CDK14: variants seen among roughly 807,000 people sequenced by gnomAD.
CDK14 encodes the protein cyclin dependent kinase 14.
CDK14 carries 34 observed loss-of-function variants against 60.7 expected under a neutral mutation model. That is an observed-to-expected ratio of 0.56 (90% CI 0.43 to 0.75). The LOEUF (loss-of-function observed/expected upper bound fraction) is 0.75, where lower values mean the gene tolerates loss of function less well. Ranked by LOEUF, CDK14 falls within the 30% of genes least tolerant of loss-of-function variation. CDK14 has a pLI of 0.00. For missense variants in CDK14, 482 were observed against 564.1 expected, an observed-to-expected ratio of 0.85 and a Z score of 1.47; for synonymous variants, 197 against 203.7, an observed-to-expected ratio of 0.97 and a Z score of 0.28.
intron 2 of CDK14, among the ~76,000 whole-genome samples, chr7:90,684,168 C>T (rs1563043787): frequency 6.6e-6 from 1 of 152,124 alleles, no homozygotes; most frequent in Non-Finnish European, 1.5e-5. Flanking sequence ...TGTAGCACTA[C>T]AAAATCAAAC....
intron 1 of CDK14, among the ~76,000 whole-genome samples, chr7:90,600,794 A>T (rs1799299261): frequency 6.6e-6 from 1 of 152,272 alleles, no homozygotes; most frequent in Non-Finnish European, 1.5e-5. Flanking sequence ...GAACCAGTGT[A>T]GCATTTTCAT....
At chr7:91,009,157 A>G (rs1432309264) in intron 10 of CDK14, among the ~76,000 whole-genome samples, 3 of 152,108 alleles carry the variant, frequency 2.0e-5, no homozygotes, top group Non-Finnish European at 4.4e-5. Context: ...TAGTGAGCAT[A>G]ACTATTTTGA....
At chr7:90,668,133 C>T (rs1801023284) in intron 2 of CDK14, among the ~76,000 whole-genome samples, 1 of 152,160 alleles carries the variant, frequency 6.6e-6, no homozygotes, top group South Asian at 2.1e-4. Context: ...TGTTATATTT[C>T]TACCAGCAAC....
chr7:90,828,291 T>C (rs931912239), intron 5 of CDK14, among the ~76,000 whole-genome samples: 1 of 152,362 alleles, frequency 6.6e-6, no homozygotes, highest in Non-Finnish European at 1.5e-5. Context: ...GTCTGCCATG[T>C]GGACCCAGCA....
At chr7:90,621,687 G>GCCTTCCTGCCTTCCTTCCTTCCTT (rs1563018827) in intron 2 of CDK14, among the ~76,000 whole-genome samples, 1 of 132,410 alleles carries the variant, frequency 7.6e-6, no homozygotes, top group Non-Finnish European at 1.7e-5. Context: ...CTGCCTTCCT[G>GCCTTCCTGCCTTCCTTCCTTCCTT]CCTTCCTTCC....
chr7:90,918,926 T>C (rs1793163418), intron 8 of CDK14, among the ~76,000 whole-genome samples: 1 of 152,228 alleles, frequency 6.6e-6, no homozygotes, highest in African/African-American at 2.4e-5. Flanking sequence ...TAAAACTTTG[T>C]CATTTCCTAC....
At chr7:90,747,901 T>TTC in intron 4 of CDK14, 126 bp downstream of exon 4, 1 of 214,152 alleles carries the variant, frequency 4.7e-6, no homozygotes, top group Non-Finnish European at 8.6e-6. Flanking sequence ...CGGTATCCTT[T>TTC]TTTTTTTTTT....
chr7:90,971,653 T>TAAAAAAAAAAAAAAAAAAA (rs35135401), intron 9 of CDK14, among the ~76,000 whole-genome samples: 3 of 119,540 alleles, frequency 2.5e-5, no homozygotes, highest in Non-Finnish European at 1.7e-5. Flanking sequence ...ATATACATAG[T>TAAAAAAAAAAAAAAAAAAA]AAAAAAAAAA....
chr7:91,106,516 TAAC>T (rs1195767789), intron 12 of CDK14, among the ~76,000 whole-genome samples: 1 of 152,054 alleles, frequency 6.6e-6, no homozygotes, highest in Non-Finnish European at 1.5e-5. Context: ...AATAAAATAA[TAAC>T]AGTAACAGTA....
chr7:91,142,150 A>G (rs1800485240), intron 14 of CDK14, among the ~76,000 whole-genome samples: 1 of 152,146 alleles, frequency 6.6e-6, no homozygotes, highest in Non-Finnish European at 1.5e-5. Flanking sequence ...TATTTAAGAT[A>G]ATAGTCAACT....
At chr7:90,693,761 G>T (rs1308204859) in intron 2 of CDK14, among the ~76,000 whole-genome samples, 1 of 152,082 alleles carries the variant, frequency 6.6e-6, no homozygotes, top group South Asian at 2.1e-4. Flanking sequence ...TATATTCTTT[G>T]TTCATTCATC....
At chr7:90,952,288 A>G (rs1298351881) in intron 8 of CDK14, among the ~76,000 whole-genome samples, 2 of 152,272 alleles carry the variant, frequency 1.3e-5, no homozygotes, top group East Asian at 3.9e-4. Flanking sequence ...GCCAGAGGGT[A>G]GAACCAGGCT....
chr7:90,635,823 G>T (rs1317711916), intron 2 of CDK14, among the ~76,000 whole-genome samples: 5 of 151,854 alleles, frequency 3.3e-5, no homozygotes, highest in Admixed American at 6.6e-5. Flanking sequence ...GCAGTGGTTT[G>T]TAGTTCTCCT....
At chr7:90,671,022 A>T (rs1350321314) in intron 2 of CDK14, among the ~76,000 whole-genome samples, 1 of 152,128 alleles carries the variant, frequency 6.6e-6, no homozygotes, top group Non-Finnish European at 1.5e-5. Flanking sequence ...GGAGGTTTTT[A>T]TGTGGATGAG....
At chr7:91,115,433 T>C (rs767365764) in intron 13 of CDK14, among the ~76,000 whole-genome samples, 3 of 152,134 alleles carry the variant, frequency 2.0e-5, no homozygotes, top group African/African-American at 7.2e-5. Context: ...CCCTCCCTTA[T>C]GAGTTCATCT....
intron 10 of CDK14, among the ~76,000 whole-genome samples, chr7:91,030,419 A>G (rs1355098718): frequency 6.6e-6 from 1 of 152,142 alleles, no homozygotes; most frequent in African/African-American, 2.4e-5. Context: ...TTAGAGAGCA[A>G]TAGTTACTGT....
intron 10 of CDK14, among the ~76,000 whole-genome samples, chr7:90,991,634 T>C (rs1308710821): frequency 6.6e-6 from 1 of 152,152 alleles, no homozygotes; most frequent in Non-Finnish European, 1.5e-5. Flanking sequence ...CTCATGTAGT[T>C]TGTGGCACAT....
At chr7:90,749,079 T>C (rs1328732357) in intron 4 of CDK14, among the ~76,000 whole-genome samples, 2 of 152,196 alleles carry the variant, frequency 1.3e-5, no homozygotes, top group Admixed American at 6.5e-5. Flanking sequence ...AAATATTCCT[T>C]ATCAAGAAAG....
In CDK14 at chr7:91,199,782, A is replaced by G. The variant is rs1362140599; in HGVS notation, c.*29-7383A>G. 2.0e-5 allele frequency among the ~76,000 whole-genome samples: 3 copies of G among 152,310 alleles called. No individual in the cohort carries two copies. In the East Asian group the frequency reaches 5.8e-4, roughly 29 times the overall value. On this transcript the variant is annotated intron_variant, in intron 14 of 14. Transcript: ENST00000380050. ...TGCAATTAGTGCATTGTGCATCCAT[A>G]TGGATGTTACCAAACAGCTTTCAAC...
Sources: allele counts gnomAD v4.1 joint callset (sites outside exome capture counted in the v4.1 genomes callset), GRCh38; gene constraint gnomAD v4.1.1; transcripts MANE v1.5; gene names NCBI Gene and HGNC (gene_info 2026-07-23, HGNC 2026-07-21).